DENND1A: variants seen among roughly 807,000 people sequenced by gnomAD.
The protein encoded by DENND1A is DENN domain containing 1A.
Under a neutral mutation model 113.7 loss-of-function variants are expected in DENND1A, and 51 were observed. The ratio of observed to expected loss-of-function variants is 0.45; its 90% confidence interval spans 0.36 to 0.57. DENND1A has a LOEUF of 0.57. DENND1A is among the 20% of genes least tolerant of loss of function. DENND1A has a pLI of 0.00. For missense variants in DENND1A, 1,258 were observed against 1,395.9 expected, an observed-to-expected ratio of 0.90 and a Z score of 1.57; for synonymous variants, 565 against 570.8, an observed-to-expected ratio of 0.99 and a Z score of 0.14.
At chr9:123,438,560 T>C (rs2046692794) in intron 19 of DENND1A, among the ~76,000 whole-genome samples, 2 of 152,068 alleles carry the variant, frequency 1.3e-5, no homozygotes. Context: ...TGGCTGATAC[T>C]AGGGGCTTGA....
chr9:123,683,958 T>A (rs555977152), intron 5 of DENND1A, among the ~76,000 whole-genome samples: 9 of 152,296 alleles, frequency 5.9e-5, no homozygotes, highest in African/African-American at 1.9e-4. Context: ...GTTTGGAAAA[T>A]GACCTGGTTT....
chr9:123,428,857 G>A (rs1158468361), intron 19 of DENND1A, among the ~76,000 whole-genome samples: 2 of 152,160 alleles, frequency 1.3e-5, no homozygotes, highest in Non-Finnish European at 2.9e-5. Flanking sequence ...CCTCTTCAAG[G>A]AGAACCACAA....
At chr9:123,824,689 C>T (rs889719523) in intron 2 of DENND1A, among the ~76,000 whole-genome samples, 1 of 152,152 alleles carries the variant, frequency 6.6e-6, no homozygotes, top group East Asian at 1.9e-4. Context: ...ACCTCCCAAT[C>T]TATATCTAAG....
chr9:123,738,445 G>GTC lies in DENND1A; in HGVS notation c.302+19257_302+19258insGA, dbSNP rs2068737678. ...AAAAACTGCCGTGTCAACAGCTTCTGTGTGTGTGTGTGTGTGTGTGTGTGT... is the reference window on the plus strand; with the variant it reads ...AAAAACTGCCGTGTCAACAGCTTCTGTCTGTGTGTGTGTGTGTGTGTGTGTGT... On this transcript the variant is annotated intron_variant, in intron 5 of 23. Transcript: ENST00000394215. Among the ~76,000 whole-genome samples, 3 of 111,042 alleles carry GTC rather than the reference G, an allele frequency of 2.7e-5. No individual in the cohort carries two copies. The East Asian group carries it at 7.1e-4, about 26-fold the overall frequency. 72.8% of individuals were successfully genotyped at this position (111,042 alleles called of 152,430 possible). A position where few individuals can be genotyped will look rare whatever the true frequency, so the allele number is the denominator to read the frequency against.
intron 13 of DENND1A, among the ~76,000 whole-genome samples, chr9:123,509,650 C>T (rs1383444127): frequency 6.6e-6 from 1 of 152,192 alleles, no homozygotes; most frequent in African/African-American, 2.4e-5. Flanking sequence ...TATAGAAGAG[C>T]CTGAACATGA....
intron 2 of DENND1A, among the ~76,000 whole-genome samples, chr9:123,841,764 C>T (rs1041048036): frequency 6.6e-6 from 1 of 152,008 alleles, no homozygotes; most frequent in Non-Finnish European, 1.5e-5. Flanking sequence ...AGAAGAAATA[C>T]CTAGTTTTTA....
chr9:123,858,515 AC>A (rs1253365740), intron 2 of DENND1A, among the ~76,000 whole-genome samples: 2 of 152,168 alleles, frequency 1.3e-5, no homozygotes, highest in Non-Finnish European at 2.9e-5. Context: ...CTTCAACAAG[AC>A]CGTGGATAGA....
chr9:123,415,892 C>T (rs991784682), intron 19 of DENND1A, among the ~76,000 whole-genome samples: 1 of 152,088 alleles, frequency 6.6e-6, no homozygotes, highest in East Asian at 1.9e-4. Context: ...GGGGTGTCCC[C>T]AGCTGGGGAC....
intron 18 of DENND1A, among the ~76,000 whole-genome samples, chr9:123,448,267 T>G (rs1200560926): frequency 6.6e-6 from 1 of 152,164 alleles, no homozygotes; most frequent in Non-Finnish European, 1.5e-5. Flanking sequence ...AAACAAATCT[T>G]TGAACAACCA....
At chr9:123,608,602 A>G (rs998863021) in intron 11 of DENND1A, among the ~76,000 whole-genome samples, 2 of 152,246 alleles carry the variant, frequency 1.3e-5, no homozygotes, top group African/African-American at 4.8e-5. Flanking sequence ...ATTGCTATCT[A>G]ATTGGTACAG....
chr9:123,798,400 G>A (rs1246356034), intron 2 of DENND1A: 3 of 152,106 alleles, frequency 2.0e-5, no homozygotes, highest in Non-Finnish European at 2.9e-5. Flanking sequence ...TTCAGTTGTT[G>A]AAGTTATGAA....
In DENND1A at chr9:123,412,709, G is replaced by A. The variant is rs527769729; in HGVS notation, c.1489-880C>T. Reference sequence around the variant, plus strand: ...ACAGCCTGCCTGTCTTGATGCTCTCGCAGGCATGGGAGACAGGGAGGCTGA... The same window carrying A: ...ACAGCCTGCCTGTCTTGATGCTCTCACAGGCATGGGAGACAGGGAGGCTGA... On this transcript the variant is annotated intron_variant, in intron 19 of 23. Transcript: ENST00000394215. Among the ~76,000 whole-genome samples, 10 of 152,300 alleles carry A rather than the reference G, an allele frequency of 6.6e-5. No individual in the cohort carries two copies. The South Asian group carries it at 1.2e-3, about 19-fold the overall frequency.
intron 13 of DENND1A, 57 bp downstream of exon 13, chr9:123,557,513 G>A: frequency 6.3e-7 from 1 of 1,593,340 alleles, no homozygotes. Context: ...TGGCCCCTGA[G>A]GTATGCTTCT....
At chr9:123,591,650 T>G (rs2137063060) in intron 11 of DENND1A, among the ~76,000 whole-genome samples, 1 of 152,316 alleles carries the variant, frequency 6.6e-6, no homozygotes, top group South Asian at 2.1e-4. Context: ...TTGTCTCCAG[T>G]GTCCAGCACA....
At chr9:123,520,598 T>C (rs1475632619) in intron 13 of DENND1A, among the ~76,000 whole-genome samples, 1 of 152,250 alleles carries the variant, frequency 6.6e-6, no homozygotes, top group Admixed American at 6.5e-5. Context: ...AATGAAAGGA[T>C]AGGAAAGTCA....
chr9:123,831,502 A>G (rs1840203533), intron 2 of DENND1A, among the ~76,000 whole-genome samples: 1 of 152,220 alleles, frequency 6.6e-6, no homozygotes, highest in South Asian at 2.1e-4. Context: ...AAAACTTTTA[A>G]CAATAACAAA....
rs200424404 is a variant in DENND1A, at chr9:123,457,851, C to T, written c.1040G>A (p.Arg347His). ...CAGGAACTGCCTCATGGCTCCGGAGCGGTAGTGGGACACGAAGGCTTCCTC... is the reference window on the plus strand; with the variant it reads ...CAGGAACTGCCTCATGGCTCCGGAGTGGTAGTGGGACACGAAGGCTTCCTC... ...FCEEAFVSHY[R>H]SGAMRQFLQN... The change falls in exon 14 of 24, where the codon CGC becomes CAC. Residue 347 changes from arginine to histidine, a missense_variant. Transcript: ENST00000394215. 1.8e-5 allele frequency: 29 copies of T among 1,612,690 alleles called. No homozygotes were observed. The highest frequency in any genetic ancestry group is 2.2e-5 in the East Asian group (1 of 44,832).
At chr9:123,467,287 G>A (rs1418514140) in intron 13 of DENND1A, among the ~76,000 whole-genome samples, 1 of 152,104 alleles carries the variant, frequency 6.6e-6, no homozygotes, top group Non-Finnish European at 1.5e-5. Context: ...GGTTGGGATG[G>A]CGAGGCCCCA....
At chr9:123,889,339 T>C (rs927008479) in intron 1 of DENND1A, among the ~76,000 whole-genome samples, 1 of 152,180 alleles carries the variant, frequency 6.6e-6, no homozygotes, top group African/African-American at 2.4e-5. Flanking sequence ...AGAAAGTGCT[T>C]TGTAAACTAA....
Sources: allele counts gnomAD v4.1 joint callset (sites outside exome capture counted in the v4.1 genomes callset), GRCh38; gene constraint gnomAD v4.1.1; transcripts MANE v1.5; gene names NCBI Gene and HGNC (gene_info 2026-07-23, HGNC 2026-07-21).